Variants in SYN3 observed in about 807,000 individuals in gnomAD.
SYN3 encodes the protein synapsin III.
SYN3 carries 35 observed loss-of-function variants against 65.8 expected under a neutral mutation model. The ratio of observed to expected loss-of-function variants is 0.53; its 90% CI spans 0.41 to 0.70. The LOEUF (loss-of-function observed/expected upper bound fraction) is 0.70, where lower values mean the gene tolerates loss of function less well. Ranked by LOEUF, SYN3 falls within the 30% of genes least tolerant of loss-of-function variation. The pLI is 0.00. For missense variants in SYN3, 680 were observed against 749.0 expected (o/e 0.91, Z 1.08); for synonymous variants, 270 against 292.9 (o/e 0.92, Z 0.80).
chr22:32,643,505 T>G lies in SYN3; in HGVS notation c.712-46769A>C, dbSNP rs142629092. Reference sequence around the variant, plus strand: ...AAGCCCAGAGAGTCCTTGAAATCACTGTAAGAGATCTCTAAGAATAATGAG... The same window carrying G: ...AAGCCCAGAGAGTCCTTGAAATCACGGTAAGAGATCTCTAAGAATAATGAG... On this transcript the variant is annotated intron_variant, in intron 6 of 13. Coordinates refer to ENST00000358763, the MANE Select transcript of SYN3 (RefSeq NM_003490.4). Among the ~76,000 whole-genome samples, 977 of 118,990 alleles carry G rather than the reference T, an allele frequency of 8.2e-3. 7 individuals carry two copies. The highest frequency in any genetic ancestry group is 0.012 in the Non-Finnish European group (765 of 63,540). The allele number at this position is 118,990 out of a possible 152,430, so 78.1% of individuals were successfully genotyped here. A position where few individuals can be genotyped will look rare whatever the true frequency, so the allele number is the denominator to read the frequency against.
chr22:32,970,426 G>C (rs1477190921), intron 3 of SYN3, among the ~76,000 whole-genome samples: 2 of 150,196 alleles, frequency 1.3e-5, no homozygotes, highest in Non-Finnish European at 2.9e-5. Context: ...AGGATCACTT[G>C]AGCCCAGGAA....
At chr22:32,823,344 G>A (rs906502426) in intron 6 of SYN3, among the ~76,000 whole-genome samples, 6 of 152,142 alleles carry the variant, frequency 3.9e-5, no homozygotes, top group Non-Finnish European at 8.8e-5. Context: ...AGAGAATGCC[G>A]CAAGGGATGT....
At chr22:32,889,236 T>G (rs1034637097) in intron 4 of SYN3, among the ~76,000 whole-genome samples, 1 of 152,136 alleles carries the variant, frequency 6.6e-6, no homozygotes, top group South Asian at 2.1e-4. Flanking sequence ...TAAAATTAGC[T>G]CATCTCCCTC....
At chr22:32,926,146 C>A (rs1039411702) in intron 4 of SYN3, among the ~76,000 whole-genome samples, 5 of 152,132 alleles carry the variant, frequency 3.3e-5, no homozygotes, top group African/African-American at 1.2e-4. Flanking sequence ...GCCATTGTGC[C>A]CAGCCGGGAT....
At chr22:32,575,540 T>C (rs1396933316) in intron 7 of SYN3, among the ~76,000 whole-genome samples, 1 of 152,182 alleles carries the variant, frequency 6.6e-6, no homozygotes, top group African/African-American at 2.4e-5. Context: ...GCTGATGCTT[T>C]TAGCTGAGGC....
rs2061238417 is a variant in SYN3 at position 32,729,231 on chromosome 22, G to A, written c.712-132495C>T. ...CATCCTCTTTCCGGGCTTGAGAGCA[G>A]TGCATGGCACAAAGCAGATCCTCAA... On this transcript the variant is annotated intron_variant, in intron 6 of 13. Transcript: ENST00000358763. Among the ~76,000 whole-genome samples, 4 of 152,222 alleles carry A rather than the reference G, an allele frequency of 2.6e-5. No individual in the cohort carries two copies. In the South Asian group the frequency reaches 8.3e-4, roughly 32 times the overall value.
intron 1 of SYN3, among the ~76,000 whole-genome samples, chr22:33,008,972 GAGAAAAGAAAA>G (rs1353428245): frequency 1.6e-4 from 15 of 94,882 alleles, no homozygotes; most frequent in Admixed American, 8.4e-4. Context: ...AAGAGAGAGA[GAGAAAAGAAAA>G]AGAAAAAAGA....
chr22:32,901,060 T>C (rs2049746175), intron 4 of SYN3, among the ~76,000 whole-genome samples: 1 of 152,216 alleles, frequency 6.6e-6, no homozygotes, highest in Admixed American at 6.5e-5. Context: ...AATTATGCAA[T>C]TTGCAGTCTT....
intron 6 of SYN3, among the ~76,000 whole-genome samples, chr22:32,656,565 G>A (rs1020716728): frequency 1.3e-5 from 2 of 152,104 alleles, no homozygotes; most frequent in Admixed American, 6.5e-5. Context: ...GAGTGGTAGC[G>A]GATCGATAGT....
rs374284769 is a variant in SYN3 at position 32,670,858 on chromosome 22, C to T, written c.712-74122G>A. 5.8e-4 allele frequency among the ~76,000 whole-genome samples: 89 copies of T among 152,280 alleles called. 1 individual carries two copies. The South Asian group carries it at 0.017, about 28-fold the overall frequency. Reference sequence around the variant, plus strand: ...CTGGAGTAATGAGGTAAGTGTGGGACGTGGTGAGTAGGAGGGCATGGGGGG... The same window carrying T: ...CTGGAGTAATGAGGTAAGTGTGGGATGTGGTGAGTAGGAGGGCATGGGGGG... On this transcript the variant is annotated intron_variant, in intron 6 of 13. Coordinates refer to ENST00000358763, the MANE Select transcript of SYN3 (RefSeq NM_003490.4).
At chr22:33,047,051 T>C (rs2054078111) in intron 1 of SYN3, among the ~76,000 whole-genome samples, 1 of 152,022 alleles carries the variant, frequency 6.6e-6, no homozygotes, top group Admixed American at 6.6e-5. Flanking sequence ...ACATCACGGC[T>C]CTACTGAAAT....
intron 6 of SYN3, chr22:32,857,867 AGGTGTTGGG>A: frequency 8.5e-7 from 1 of 1,179,342 alleles, no homozygotes. Context: ...CCATTTTAAA[AGGTGTTGGG>A]TAGGGTGAAA....
chr22:32,870,439 TATC>T (rs1348371862), intron 4 of SYN3, among the ~76,000 whole-genome samples: 6 of 152,238 alleles, frequency 3.9e-5, no homozygotes, highest in African/African-American at 4.8e-5. Flanking sequence ...CTGAATGATA[TATC>T]ATAATTAAGT....
intron 7 of SYN3, chr22:32,583,993 A>C (rs1021016632): frequency 6.6e-6 from 1 of 152,256 alleles, no homozygotes; most frequent in Non-Finnish European, 1.5e-5. Context: ...ACAACCACAG[A>C]GGAATCGAAT....
At chr22:32,932,622 TTG>T (rs1249629423) in intron 3 of SYN3, among the ~76,000 whole-genome samples, 1 of 152,168 alleles carries the variant, frequency 6.6e-6, no homozygotes, top group African/African-American at 2.4e-5. Context: ...CCTTTGGATT[TTG>T]TGAGTTCATC....
At chr22:32,866,459 C>T (rs543738996) in intron 5 of SYN3, among the ~76,000 whole-genome samples, 174 of 152,234 alleles carry the variant, frequency 1.1e-3, no homozygotes, top group African/African-American at 4.0e-3. Flanking sequence ...AGAGTGATTC[C>T]GCAGGTAAGC....
chr22:33,039,376 CT>C (rs59092244), intron 1 of SYN3, among the ~76,000 whole-genome samples: 26,720 of 134,906 alleles, frequency 0.2, 2,046 homozygotes, highest in African/African-American at 0.21. Flanking sequence ...TCAAATGTGA[CT>C]TTTTTTTTTT....
intron 4 of SYN3, among the ~76,000 whole-genome samples, chr22:32,916,241 T>C (rs2050182517): frequency 6.6e-6 from 1 of 152,184 alleles, no homozygotes; most frequent in African/African-American, 2.4e-5. Flanking sequence ...CAGGCAACAC[T>C]GCATGGAGCA....
rs2057659078 is a variant in SYN3 at position 32,508,680 on chromosome 22, T to TCAATATA, written c.*5011_*5012insTATATTG. ...TTGATTCTGTTCCTGGGCAAGTGAC[T>TCAATATA]TCCATATATTGATACTCTTAGAAAA... On this transcript the variant is annotated 3_prime_UTR_variant, in exon 14 of 14. Coordinates refer to ENST00000358763, the MANE Select transcript of SYN3 (RefSeq NM_003490.4). Among the ~76,000 whole-genome samples the TCAATATA allele has an allele frequency of 1.3e-5, 2 of 152,238 alleles. No homozygotes were observed. The highest frequency in any genetic ancestry group is 4.8e-5 in the African/African-American group (2 of 41,456).
Sources: gnomAD v4.1 joint callset for allele counts (sites outside exome capture counted in the v4.1 genomes callset) on GRCh38, gnomAD v4.1.1 for gene constraint, MANE v1.5 for transcripts, NCBI Gene and HGNC (gene_info 2026-07-23, HGNC 2026-07-21) for gene names.